GPATCH2: variants seen among roughly 807,000 people sequenced by gnomAD.
GPATCH2 encodes G-patch domain containing 2, also known as G patch domain-containing protein 2.
Under a neutral mutation model 58.0 loss-of-function variants are expected in GPATCH2, and 51 were observed. That is an observed-to-expected ratio of 0.88 (90% confidence interval 0.70 to 1.11). The LOEUF (loss-of-function observed/expected upper bound fraction) is 1.11. Among genes scored for constraint, GPATCH2 ranks in the 50% most tolerant of loss-of-function variants. The pLI, the probability that GPATCH2 is intolerant of heterozygous loss-of-function variation, is 0.00. For missense variants in GPATCH2, 625 were observed against 652.2 expected (o/e 0.96, Z 0.45); for synonymous variants, 222 against 218.5 (o/e 1.02, Z -0.14).
intron 8 of GPATCH2, among the ~76,000 whole-genome samples, chr1:217,450,561 C>T (rs958054735): frequency 1.3e-5 from 2 of 151,976 alleles, no homozygotes; most frequent in Admixed American, 6.6e-5. Flanking sequence ...CACCACAAAA[C>T]CTTATCAACA....
chr1:217,574,109 A>G (rs76007443), intron 5 of GPATCH2, among the ~76,000 whole-genome samples: 3,158 of 152,370 alleles, frequency 0.021, 41 homozygotes, highest in Non-Finnish European at 0.033. Context: ...GATTATTCTT[A>G]GAAGTACCTA....
At chr1:217,454,453 G>A (rs1203790675) in intron 8 of GPATCH2, among the ~76,000 whole-genome samples, 1 of 151,782 alleles carries the variant, frequency 6.6e-6, no homozygotes, top group East Asian at 2.0e-4. Context: ...GCCGGGCGTG[G>A]TGGTGGGCGC....
intron 9 of GPATCH2, among the ~76,000 whole-genome samples, chr1:217,447,780 A>G (rs77406248): frequency 0.01 from 1,583 of 152,308 alleles, 11 homozygotes; most frequent in Non-Finnish European, 0.015. Flanking sequence ...CTAGTGCTTT[A>G]CTATGGAATA....
chr1:217,496,955 A>G (rs1662041305), intron 7 of GPATCH2, among the ~76,000 whole-genome samples: 1 of 152,150 alleles, frequency 6.6e-6, no homozygotes, highest in East Asian at 1.9e-4. Flanking sequence ...AAATTGGTCA[A>G]AAAGATTTAA....
chr1:217,449,059 C>G (rs1325123167), intron 9 of GPATCH2, among the ~76,000 whole-genome samples, 190 bp downstream of exon 9: 1 of 152,146 alleles, frequency 6.6e-6, no homozygotes, highest in Non-Finnish European at 1.5e-5. Flanking sequence ...GTAACATATA[C>G]GTTAACCTGG....
chr1:217,542,544 C>T (rs1462117298), intron 5 of GPATCH2, among the ~76,000 whole-genome samples: 5 of 152,142 alleles, frequency 3.3e-5, no homozygotes, highest in African/African-American at 7.2e-5. Context: ...TCTCTGGAAG[C>T]GGGAGAGCCT....
At chr1:217,562,811 C>T (rs1027497948) in intron 5 of GPATCH2, among the ~76,000 whole-genome samples, 6 of 152,256 alleles carry the variant, frequency 3.9e-5, no homozygotes, top group African/African-American at 1.4e-4. Context: ...CTCTCTAATT[C>T]ATGCAGTTGT....
intron 9 of GPATCH2, among the ~76,000 whole-genome samples, chr1:217,437,838 G>A (rs1338353275): frequency 1.3e-5 from 2 of 152,236 alleles, no homozygotes; most frequent in Non-Finnish European, 2.9e-5. Flanking sequence ...CTGCTGGCTG[G>A]CTCTGAAGAG....
At chr1:217,492,499 G>A (rs1044459566) in intron 7 of GPATCH2, 3 of 152,012 alleles carry the variant, frequency 2.0e-5, no homozygotes, top group Non-Finnish European at 2.9e-5. Flanking sequence ...GGGCTAAAAC[G>A]AAGTTGTACA....
intron 5 of GPATCH2, among the ~76,000 whole-genome samples, chr1:217,587,779 A>C (rs1667407493): frequency 6.6e-6 from 1 of 152,200 alleles, no homozygotes; most frequent in South Asian, 2.1e-4. Flanking sequence ...AGGAACAAAA[A>C]AAGAACTAAA....
chr1:217,540,385 C>G (rs557421499), intron 5 of GPATCH2, among the ~76,000 whole-genome samples: 1 of 152,280 alleles, frequency 6.6e-6, no homozygotes, highest in African/African-American at 2.4e-5. Flanking sequence ...CCTATGATAA[C>G]AATTTATCTT....
chr1:217,598,807 C>T (rs1263855469), intron 5 of GPATCH2, among the ~76,000 whole-genome samples: 1 of 152,192 alleles, frequency 6.6e-6, no homozygotes, highest in Admixed American at 6.5e-5. Flanking sequence ...TAGCTCCCAT[C>T]GTTGGAGCTA....
intron 5 of GPATCH2, among the ~76,000 whole-genome samples, chr1:217,593,751 C>G (rs1283904799): frequency 6.6e-6 from 1 of 151,916 alleles, no homozygotes; most frequent in East Asian, 1.9e-4. Flanking sequence ...TTTCGGCAAT[C>G]TGTAATATAT....
At chr1:217,552,448 AG>A (rs1397678824) in intron 5 of GPATCH2, among the ~76,000 whole-genome samples, 8 of 152,158 alleles carry the variant, frequency 5.3e-5, no homozygotes, top group Non-Finnish European at 1.2e-4. Flanking sequence ...CTGTTCCAGA[AG>A]CAGTAAAGGT....
At chr1:217,490,306 C>T (rs1007837218) in intron 8 of GPATCH2, among the ~76,000 whole-genome samples, 1 of 152,118 alleles carries the variant, frequency 6.6e-6, no homozygotes, top group Non-Finnish European at 1.5e-5. Context: ...TTTGTCTTTG[C>T]TTTTGGTCTA....
rs184287809 is a variant in GPATCH2 at position 217,483,647 on chromosome 1, T to A, written c.1277+8033A>T. ...AACTGGTTTCCAGAATGTAATATAG[T>A]ACATTCATTTTGTTATTTTAGCTAT... is the stretch of plus-strand genomic sequence containing the variant. On this transcript the variant is annotated intron_variant, in intron 8 of 9. Coordinates refer to ENST00000366935, the MANE Select transcript of GPATCH2 (RefSeq NM_018040.5). 1.2e-3 allele frequency among the ~76,000 whole-genome samples: 182 copies of A among 152,340 alleles called. 1 individual carries two copies. Among genetic ancestry groups the A allele is most frequent in the Non-Finnish European group, 5.9e-5 (4 of 68,036 alleles).
At chr1:217,437,531 C>T (rs1032775915) in intron 9 of GPATCH2, among the ~76,000 whole-genome samples, 9 of 152,170 alleles carry the variant, frequency 5.9e-5, no homozygotes, top group African/African-American at 2.2e-4. Context: ...ACCTGGGATG[C>T]TTTGAATTTG....
At chr1:217,434,431 G>A (rs1047162385) in intron 9 of GPATCH2, among the ~76,000 whole-genome samples, 6 of 152,120 alleles carry the variant, frequency 3.9e-5, no homozygotes, top group African/African-American at 1.4e-4. Flanking sequence ...GACCTCCAAG[G>A]TATGTAGTTT....
intron 5 of GPATCH2, among the ~76,000 whole-genome samples, chr1:217,547,768 G>A (rs1010901042): frequency 9.2e-5 from 14 of 152,202 alleles, no homozygotes; most frequent in Admixed American, 6.5e-4. Flanking sequence ...TAACTGATAC[G>A]GTTTGGCTCT....
Sources: allele counts gnomAD v4.1 joint callset (sites outside exome capture counted in the v4.1 genomes callset), GRCh38; gene constraint gnomAD v4.1.1; transcripts MANE v1.5; gene names NCBI Gene and HGNC (gene_info 2026-07-23, HGNC 2026-07-21).